The following PCDH15 variants were observed in gnomAD, a reference collection of about 807,000 sequenced individuals.
The protein encoded by PCDH15 is protocadherin related 15.
PCDH15 carries 129 observed loss-of-function variants against 178.5 expected under a neutral mutation model. That is an observed-to-expected ratio of 0.72 (90% CI 0.63 to 0.84). PCDH15 has a LOEUF of 0.84. Among genes scored for constraint, PCDH15 ranks in the 40% least tolerant of loss-of-function variants. The probability of loss-of-function intolerance (pLI) is 0.00; values close to 1 mark genes in which losing one functional copy is unlikely to be tolerated. For missense variants in PCDH15, 2,230 were observed against 2,099.9 expected (o/e 1.06, Z -1.21); for synonymous variants, 800 against 732.0 (o/e 1.09, Z -1.50).
chr10:54,787,643 T>C (rs1279579141), intron 1 of PCDH15, among the ~76,000 whole-genome samples: 2 of 151,880 alleles, frequency 1.3e-5, no homozygotes, highest in African/African-American at 4.8e-5. Flanking sequence ...CTTCCCTTCA[T>C]GGGGCAGAAA....
At chr10:55,434,280 T>C (rs536627361) in intron 2 of PCDH15, among the ~76,000 whole-genome samples, 1 of 151,674 alleles carries the variant, frequency 6.6e-6, no homozygotes, top group South Asian at 2.1e-4. Context: ...CTGGTCTCGA[T>C]CTCCTGACCT....
chr10:54,031,373 C>T (rs1403131318), intron 18 of PCDH15, among the ~76,000 whole-genome samples: 2 of 152,008 alleles, frequency 1.3e-5, no homozygotes, highest in Non-Finnish European at 2.9e-5. Flanking sequence ...GCAAAACTCA[C>T]TTTTTATTGC....
intron 4 of PCDH15, among the ~76,000 whole-genome samples, chr10:54,370,100 C>T (rs868699548): frequency 1.4e-4 from 21 of 151,908 alleles, no homozygotes; most frequent in Middle Eastern, 6.8e-3. Context: ...ATTCCTTGAA[C>T]GGGAAAGGTC....
intron 2 of PCDH15, among the ~76,000 whole-genome samples, chr10:55,546,733 T>C (rs1169384958): frequency 6.6e-6 from 1 of 152,166 alleles, no homozygotes. Context: ...TATTTGTCTA[T>C]TTTTACTGAT....
intron 1 of PCDH15, among the ~76,000 whole-genome samples, chr10:55,261,765 A>G (rs1564944022): frequency 6.6e-6 from 1 of 152,180 alleles, no homozygotes; most frequent in Non-Finnish European, 1.5e-5. Flanking sequence ...AGTTTTTCTA[A>G]ATCATATTTA....
chr10:54,564,495 G>C (rs2088706787), intron 2 of PCDH15, among the ~76,000 whole-genome samples: 2 of 152,096 alleles, frequency 1.3e-5, no homozygotes, highest in African/African-American at 4.8e-5. Context: ...AAAATGTTCA[G>C]TCTAAAATGA....
At chr10:54,862,354 G>A (rs1953857527) in intron 3 of PCDH15, among the ~76,000 whole-genome samples, 1 of 152,118 alleles carries the variant, frequency 6.6e-6, no homozygotes, top group Non-Finnish European at 1.5e-5. Context: ...AACATATAAA[G>A]TACAACAATA....
intron 1 of PCDH15, among the ~76,000 whole-genome samples, chr10:55,172,312 T>C (rs936432497): frequency 6.6e-6 from 1 of 151,990 alleles, no homozygotes; most frequent in African/African-American, 2.4e-5. Flanking sequence ...AATTAAAATA[T>C]TGCAGCTTTT....
chr10:54,275,638 A>T (rs1261955079), intron 8 of PCDH15, among the ~76,000 whole-genome samples: 1 of 151,828 alleles, frequency 6.6e-6, no homozygotes, highest in Non-Finnish European at 1.5e-5. Flanking sequence ...CAACCAAAAT[A>T]CTAAAAAAAT....
chr10:54,462,850 G>A (rs989569875), intron 3 of PCDH15, among the ~76,000 whole-genome samples: 2 of 151,322 alleles, frequency 1.3e-5, no homozygotes, highest in African/African-American at 4.9e-5. Flanking sequence ...TCTTGATCTT[G>A]TTATATATCA....
At chr10:55,463,820 A>G (rs1409929901) in intron 2 of PCDH15, among the ~76,000 whole-genome samples, 1 of 151,262 alleles carries the variant, frequency 6.6e-6, no homozygotes, top group Non-Finnish European at 1.5e-5. Context: ...ATTTAAATTA[A>G]TTAATTATTA....
chr10:54,748,483 G>T (rs2384530), intron 1 of PCDH15, among the ~76,000 whole-genome samples: 1 of 152,154 alleles, frequency 6.6e-6, no homozygotes, highest in African/African-American at 2.4e-5. Flanking sequence ...TGATTTTTTT[G>T]AAAAAGCTCA....
At chr10:55,372,450 C>A (rs1198954126) in intron 2 of PCDH15, among the ~76,000 whole-genome samples, 1 of 151,952 alleles carries the variant, frequency 6.6e-6, no homozygotes, top group African/African-American at 2.4e-5. Context: ...AATCAAAAAA[C>A]CAAAGGATAT....
At chr10:54,164,952 T>G (rs1343421184) in intron 13 of PCDH15, among the ~76,000 whole-genome samples, 2 of 152,192 alleles carry the variant, frequency 1.3e-5, no homozygotes, top group Non-Finnish European at 2.9e-5. Context: ...GCATTCAGTC[T>G]GAACCTAAGG....
intron 26 of PCDH15, among the ~76,000 whole-genome samples, chr10:53,888,702 T>TATATATATAC (rs1554845542): frequency 4.3e-5 from 2 of 46,188 alleles, no homozygotes; most frequent in African/African-American, 1.2e-4. Context: ...TATATATATA[T>TATATATATAC]ATCTCCTGTG....
chr10:53,889,418 G>A (rs577941320), intron 26 of PCDH15, among the ~76,000 whole-genome samples: 121 of 151,924 alleles, frequency 8.0e-4, no homozygotes, highest in African/African-American at 2.0e-3. Flanking sequence ...CAAAATAGTC[G>A]CCACATAAAG....
At chr10:55,071,661 C>A (rs1841750210) in intron 2 of PCDH15, among the ~76,000 whole-genome samples, 1 of 152,078 alleles carries the variant, frequency 6.6e-6, no homozygotes, top group African/African-American at 2.4e-5. Context: ...GACTTTAACA[C>A]CCCACTGTCA....
chr10:55,145,767 T>C (rs75404942), intron 2 of PCDH15, among the ~76,000 whole-genome samples: 1 of 60,528 alleles, frequency 1.7e-5, no homozygotes, highest in South Asian at 4.5e-4. Flanking sequence ...AACAAAAAAA[T>C]ATTATTTTCC....
chr10:54,767,663 T>G (rs144355761), intron 1 of PCDH15, among the ~76,000 whole-genome samples: 1,969 of 152,246 alleles, frequency 0.013, 19 homozygotes, highest in African/African-American at 0.019. Context: ...TGATACAATG[T>G]GAGGAAAATA....
Sources: allele counts gnomAD v4.1 joint callset (sites outside exome capture counted in the v4.1 genomes callset), GRCh38; gene constraint gnomAD v4.1.1; transcripts MANE v1.5; gene names NCBI Gene and HGNC (gene_info 2026-07-23, HGNC 2026-07-21).